Variants in INVS observed in about 807,000 individuals in gnomAD.
INVS encodes inversion of embryo turning homolog.
In INVS, 86 loss-of-function variants were observed where a neutral mutation model predicts 108.8. The ratio of observed to expected loss-of-function variants is 0.79; its 90% confidence interval spans 0.66 to 0.95. The LOEUF is 0.95. INVS is among the 40% of genes least tolerant of loss of function. INVS has a pLI of 0.00. For missense variants in INVS, 1,169 were observed against 1,297.4 expected, an observed-to-expected ratio of 0.90 and a Z score of 1.52; for synonymous variants, 455 against 473.5, an observed-to-expected ratio of 0.96 and a Z score of 0.51.
intron 3 of INVS, among the ~76,000 whole-genome samples, chr9:100,129,044 G>A (rs1827968856): frequency 6.6e-6 from 1 of 151,364 alleles, no homozygotes; most frequent in Non-Finnish European, 1.5e-5. Flanking sequence ...AATTAGCTGG[G>A]TGTAGTGGCC....
chr9:100,248,266 T>C (rs1832109502), intron 8 of INVS, among the ~76,000 whole-genome samples: 2 of 152,206 alleles, frequency 1.3e-5, no homozygotes, highest in African/African-American at 4.8e-5. Flanking sequence ...CTTTTTCAGG[T>C]ATTTGAATAA....
chr9:100,140,329 A>ATC (rs1828383742), intron 3 of INVS, among the ~76,000 whole-genome samples: 1 of 152,116 alleles, frequency 6.6e-6, no homozygotes, highest in African/African-American at 2.4e-5. Context: ...TGGGTAGGTA[A>ATC]AGGAAAATTA....
At chr9:100,251,360 C>T (rs961908183) in intron 8 of INVS, among the ~76,000 whole-genome samples, 2 of 152,150 alleles carry the variant, frequency 1.3e-5, no homozygotes, top group African/African-American at 4.8e-5. Context: ...TTAGAACTGG[C>T]CAAGGCCTCT....
intron 10 of INVS, among the ~76,000 whole-genome samples, chr9:100,261,266 T>C (rs1832613852): frequency 1.4e-5 from 2 of 138,254 alleles, no homozygotes; most frequent in Admixed American, 1.5e-4. Flanking sequence ...GGAATGCATC[T>C]TTTTTTTTTT....
At chr9:100,168,822 A>G (rs1392385060) in intron 3 of INVS, among the ~76,000 whole-genome samples, 1 of 152,204 alleles carries the variant, frequency 6.6e-6, no homozygotes, top group African/African-American at 2.4e-5. Flanking sequence ...TAATAAATCT[A>G]TGGAACTTTA....
intron 10 of INVS, among the ~76,000 whole-genome samples, chr9:100,263,520 T>C (rs1456289423): frequency 6.6e-6 from 1 of 152,210 alleles, no homozygotes; most frequent in East Asian, 1.9e-4. Flanking sequence ...ATCTGTATAA[T>C]TCTTACACTC....
chr9:100,292,288 G>A, intron 13 of INVS, 38 bp from the exon 14 acceptor site: 2 of 1,549,762 alleles, frequency 1.3e-6, no homozygotes, highest in Non-Finnish European at 8.9e-7. Flanking sequence ...ATCCTACTCT[G>A]CAAGTTTTGG....
At chr9:100,206,000 A>T (rs532411892) in intron 3 of INVS, among the ~76,000 whole-genome samples, 1 of 152,236 alleles carries the variant, frequency 6.6e-6, no homozygotes, top group African/African-American at 2.4e-5. Context: ...TCAACCAGCT[A>T]TTTAGTGACT....
chr9:100,145,038 T>A (rs1828556468), intron 3 of INVS, among the ~76,000 whole-genome samples: 1 of 152,144 alleles, frequency 6.6e-6, no homozygotes, highest in African/African-American at 2.4e-5. Context: ...TTGGAACCAC[T>A]GTTGAGTTTG....
At chr9:100,120,068 T>C (rs754710742) in intron 2 of INVS, among the ~76,000 whole-genome samples, 2 of 152,232 alleles carry the variant, frequency 1.3e-5, no homozygotes, top group Non-Finnish European at 2.9e-5. Context: ...GTTACCGTGC[T>C]TCAAATTCCA....
At chr9:100,232,580 A>T (rs774545735) in intron 5 of INVS, among the ~76,000 whole-genome samples, 1 of 152,232 alleles carries the variant, frequency 6.6e-6, no homozygotes, top group Non-Finnish European at 1.5e-5. Context: ...ATGGCCAGCC[A>T]GTTTTCCAAA....
At chr9:100,140,912 A>G (rs560162787) in intron 3 of INVS, among the ~76,000 whole-genome samples, 1 of 152,314 alleles carries the variant, frequency 6.6e-6, no homozygotes, top group East Asian at 1.9e-4. Flanking sequence ...TAAAGGACTA[A>G]GAATTGGGAG....
At chr9:100,176,148 T>G in intron 3 of INVS, 1 of 421,876 alleles carries the variant, frequency 2.4e-6, no homozygotes, top group Non-Finnish European at 4.5e-6. Context: ...ATTTTACTTG[T>G]TTGGAAGCTA....
intron 3 of INVS, among the ~76,000 whole-genome samples, chr9:100,206,515 A>T (rs1383231828): frequency 6.6e-6 from 1 of 152,142 alleles, no homozygotes; most frequent in East Asian, 1.9e-4. Context: ...TTGCCTTGAT[A>T]TATGGGAATG....
chr9:100,104,734 A>ATATGTTATTAT, intron 2 of INVS, 107 bp downstream of exon 2: 1 of 756,924 alleles, frequency 1.3e-6, no homozygotes, highest in Non-Finnish European at 2.3e-6. Flanking sequence ...TTTAATGGAA[A>ATATGTTATTAT]TATGTTATTA....
intron 12 of INVS, 128 bp downstream of exon 12, chr9:100,273,204 A>T: frequency 1.3e-6 from 1 of 749,286 alleles, no homozygotes; most frequent in East Asian, 2.6e-5. Context: ...GGTCCCTGCA[A>T]CCGGTCATCT....
At chr9:100,274,941 A>G (rs1007661845) in intron 12 of INVS, among the ~76,000 whole-genome samples, 13 of 152,230 alleles carry the variant, frequency 8.5e-5, no homozygotes, top group Admixed American at 4.6e-4. Context: ...AAAAGTAATA[A>G]TAAGAGGCAA....
chr9:100,117,591 C>CA, intron 2 of INVS: 1 of 837,534 alleles, frequency 1.2e-6, no homozygotes, highest in Non-Finnish European at 1.9e-6. Context: ...CCAGGGCCAC[C>CA]AGGGCCTCCG....
At chr9:100,208,406 T>C (rs964609276) in intron 3 of INVS, among the ~76,000 whole-genome samples, 15 of 152,206 alleles carry the variant, frequency 9.9e-5, no homozygotes, top group African/African-American at 3.6e-4. Context: ...AAAGGTTTTT[T>C]AGTATAATCG....
Sources: allele counts gnomAD v4.1 joint callset (sites outside exome capture counted in the v4.1 genomes callset), GRCh38; gene constraint gnomAD v4.1.1; transcripts MANE v1.5; gene names NCBI Gene and HGNC (gene_info 2026-07-23, HGNC 2026-07-21).